The following FARS2 variants were observed in gnomAD, a reference collection of about 807,000 sequenced individuals.
FARS2 encodes the protein phenylalanine--tRNA ligase, mitochondrial.
Under a neutral mutation model 46.4 loss-of-function variants are expected in FARS2, and 40 were observed. That is an observed-to-expected ratio of 0.86 (90% confidence interval 0.67 to 1.12). FARS2 has a LOEUF of 1.12. FARS2 is among the 50% of genes most tolerant of loss of function. The pLI, the probability that FARS2 is intolerant of heterozygous loss-of-function variation, is 0.00. For missense variants in FARS2, 513 were observed against 567.9 expected, an observed-to-expected ratio of 0.90 and a Z score of 0.98; for synonymous variants, 234 against 214.9, an observed-to-expected ratio of 1.09 and a Z score of -0.78.
chr6:5,370,956 G>T (rs769577804), intron 2 of FARS2, among the ~76,000 whole-genome samples: 3 of 152,082 alleles, frequency 2.0e-5, no homozygotes, highest in African/African-American at 7.2e-5. Flanking sequence ...TAAAAACCTC[G>T]CAAGGTAGAT....
At chr6:5,390,484 A>G (rs1760436531) in intron 2 of FARS2, among the ~76,000 whole-genome samples, 1 of 152,172 alleles carries the variant, frequency 6.6e-6, no homozygotes, top group Non-Finnish European at 1.5e-5. Flanking sequence ...GATTATTTTG[A>G]TTGTTTTCTA....
chr6:5,522,172 C>G (rs1265592172), intron 4 of FARS2, among the ~76,000 whole-genome samples: 1 of 152,226 alleles, frequency 6.6e-6, no homozygotes, highest in Non-Finnish European at 1.5e-5. Flanking sequence ...CCACCATGCA[C>G]AGTCATAAGC....
intron 3 of FARS2, among the ~76,000 whole-genome samples, chr6:5,413,108 T>C (rs190991406): frequency 2.6e-5 from 4 of 152,234 alleles, no homozygotes; most frequent in Admixed American, 6.5e-5. Context: ...GGAAAATATA[T>C]ACTAGGGTTG....
intron 2 of FARS2, among the ~76,000 whole-genome samples, chr6:5,388,034 C>T (rs1455853690): frequency 6.9e-6 from 1 of 145,964 alleles, no homozygotes; most frequent in Non-Finnish European, 1.5e-5. Flanking sequence ...AATTGGTGAA[C>T]CAATTTTTTT....
intron 6 of FARS2, among the ~76,000 whole-genome samples, chr6:5,738,843 T>G (rs1423444782): frequency 6.6e-6 from 1 of 152,120 alleles, no homozygotes. Flanking sequence ...GTGTGTATCG[T>G]TGTCGGTTTT....
intron 2 of FARS2, among the ~76,000 whole-genome samples, chr6:5,385,548 A>G (rs1329798033): frequency 6.6e-6 from 1 of 151,882 alleles, no homozygotes; most frequent in East Asian, 1.9e-4. Flanking sequence ...CAGCCTCCCA[A>G]GGAGCTGGGA....
intron 4 of FARS2, among the ~76,000 whole-genome samples, chr6:5,538,750 A>G (rs1770379743): frequency 6.6e-6 from 1 of 152,216 alleles, no homozygotes; most frequent in South Asian, 2.1e-4. Flanking sequence ...GATTCAGAAG[A>G]AATAAATCGA....
At chr6:5,482,106 A>G (rs1431257063) in intron 4 of FARS2, among the ~76,000 whole-genome samples, 2 of 151,428 alleles carry the variant, frequency 1.3e-5, no homozygotes, top group Non-Finnish European at 2.9e-5. Flanking sequence ...AAATGGTAAT[A>G]TCTATCTCAT....
chr6:5,551,178 T>C (rs77870183), intron 5 of FARS2, among the ~76,000 whole-genome samples: 1 of 152,238 alleles, frequency 6.6e-6, no homozygotes, highest in African/African-American at 2.4e-5. Flanking sequence ...TCCAAGTTCA[T>C]TGTTTACAAG....
chr6:5,762,147 C>T (rs1762512508), intron 6 of FARS2, among the ~76,000 whole-genome samples: 2 of 152,202 alleles, frequency 1.3e-5, no homozygotes, highest in Non-Finnish European at 2.9e-5. Flanking sequence ...TCAGGTCTTT[C>T]TGTGTGGGCT....
intron 6 of FARS2, among the ~76,000 whole-genome samples, chr6:5,658,171 G>T (rs532457838): frequency 2.6e-5 from 4 of 151,640 alleles, no homozygotes; most frequent in Admixed American, 2.0e-4. Context: ...CAGGAGAATT[G>T]CTTGAACCCG....
At chr6:5,566,996 A>G (rs1000246569) in intron 5 of FARS2, among the ~76,000 whole-genome samples, 1 of 152,268 alleles carries the variant, frequency 6.6e-6, no homozygotes, top group East Asian at 1.9e-4. Context: ...CCAGCCCCAA[A>G]GCTGTCCTTG....
At chr6:5,345,967 A>G (rs1757203471) in intron 1 of FARS2, among the ~76,000 whole-genome samples, 1 of 152,204 alleles carries the variant, frequency 6.6e-6, no homozygotes, top group Non-Finnish European at 1.5e-5. Flanking sequence ...ATTCTCATTA[A>G]AAGACTCTGG....
At chr6:5,627,878 C>G (rs1032811108) in intron 6 of FARS2, among the ~76,000 whole-genome samples, 2 of 152,124 alleles carry the variant, frequency 1.3e-5, no homozygotes, top group Non-Finnish European at 2.9e-5. Context: ...CTTTACTATC[C>G]ATTATGATGA....
intron 6 of FARS2, among the ~76,000 whole-genome samples, chr6:5,692,691 G>A (rs921619970): frequency 1.3e-5 from 2 of 152,230 alleles, no homozygotes; most frequent in African/African-American, 4.8e-5. Context: ...TTTCTATAAT[G>A]TATAAAAATC....
At chr6:5,302,026 C>T (rs1336535791) in intron 1 of FARS2, among the ~76,000 whole-genome samples, 2 of 152,104 alleles carry the variant, frequency 1.3e-5, no homozygotes, top group Admixed American at 1.3e-4. Flanking sequence ...TCTTCTTAGC[C>T]ATGCACTTTT....
At chr6:5,495,130 TA>T (rs1767376438) in intron 4 of FARS2, among the ~76,000 whole-genome samples, 1 of 152,190 alleles carries the variant, frequency 6.6e-6, no homozygotes, top group Non-Finnish European at 1.5e-5. Context: ...TTTTAGATAA[TA>T]AAATCCTTTT....
At chr6:5,689,142 C>T (rs537841529) in intron 6 of FARS2, among the ~76,000 whole-genome samples, 8 of 152,190 alleles carry the variant, frequency 5.3e-5, no homozygotes, top group African/African-American at 1.9e-4. Context: ...TTGATCTTTT[C>T]AAAAAACCAG....
intron 6 of FARS2, among the ~76,000 whole-genome samples, chr6:5,650,862 G>A (rs1165928270): frequency 3.9e-5 from 6 of 152,198 alleles, no homozygotes; most frequent in African/African-American, 1.4e-4. Flanking sequence ...AATGGGAAGG[G>A]TTGGACTTTA....
Sources: allele counts gnomAD v4.1 joint callset (sites outside exome capture counted in the v4.1 genomes callset), GRCh38; gene constraint gnomAD v4.1.1; transcripts MANE v1.5; gene names NCBI Gene and HGNC (gene_info 2026-07-23, HGNC 2026-07-21).